The following SAMD5 variants were observed in gnomAD, a reference collection of about 807,000 sequenced individuals.
The protein encoded by SAMD5 is sterile alpha motif domain-containing protein 5.
A neutral mutation model predicts 11.3 loss-of-function variants in SAMD5; 13 were observed. That is an observed-to-expected ratio of 1.15 (90% CI 0.75 to 1.83). SAMD5 has a LOEUF of 1.83. Ranked by LOEUF, SAMD5 falls within the 40% of genes most tolerant of loss-of-function variation. SAMD5 has a pLI of 0.00. For synonymous variants in SAMD5, 129 were observed against 111.3 expected (o/e 1.16, Z -1.00); for missense variants, 255 against 239.1 (o/e 1.07, Z -0.44).
Position 147,685,007 on chromosome 6 carries a change from A to T in SAMD5, c.163-52310A>T, listed in dbSNP as rs528853573. 3.9e-5 allele frequency among the ~76,000 whole-genome samples: 6 copies of T among 152,334 alleles called. No individual in the cohort carries two copies. In the East Asian group the frequency reaches 1.2e-3, roughly 29 times the overall value. On this transcript the variant is annotated intron_variant, in intron 1 of 1. Coordinates refer to the SAMD5 transcript ENST00000566741. ...ATGTTTTCTCTTTCTTTGTAAAAAA[A>T]TTGAATAATAGTAGTTTGGATAGGG...
chr6:147,901,486 T>A, the SAMD5 span, among the ~76,000 whole-genome samples: 874 of 152,344 alleles, frequency 5.7e-3, 21 homozygotes, highest in East Asian at 0.04. Context: ...TATTGTAATA[T>A]GTTAAAAGAC....
chr6:147,630,982 C>T (rs563057471), intron 1 of SAMD5, among the ~76,000 whole-genome samples: 50 of 152,064 alleles, frequency 3.3e-4, no homozygotes, highest in Non-Finnish European at 6.3e-4. Context: ...CTGATCACCG[C>T]GGGGACACCT....
chr6:147,823,172 T>C, the SAMD5 span, among the ~76,000 whole-genome samples: 4 of 152,214 alleles, frequency 2.6e-5, no homozygotes, highest in African/African-American at 7.2e-5. Flanking sequence ...GACTTATTTA[T>C]ATTTTGCTAT....
chr6:147,616,626 G>A (rs993893025), intron 1 of SAMD5, among the ~76,000 whole-genome samples: 5 of 152,128 alleles, frequency 3.3e-5, no homozygotes, highest in South Asian at 4.1e-4. Flanking sequence ...ATTCTAGTTT[G>A]TATTAGTCTG....
chr6:147,707,130 A>G (rs1367970537), intron 1 of SAMD5, among the ~76,000 whole-genome samples: 2 of 152,212 alleles, frequency 1.3e-5, no homozygotes, highest in Non-Finnish European at 2.9e-5. Context: ...CATCCTTATC[A>G]TGCTTAGAAG....
At chr6:147,786,433 T>C in the SAMD5 span, among the ~76,000 whole-genome samples, 1 of 152,212 alleles carries the variant, frequency 6.6e-6, no homozygotes, top group South Asian at 2.1e-4. Flanking sequence ...AAACTTCATT[T>C]TGTGAGGCGA....
chr6:147,589,186 T>C (rs936702279), intron 1 of SAMD5, among the ~76,000 whole-genome samples: 5 of 152,088 alleles, frequency 3.3e-5, no homozygotes, highest in African/African-American at 1.2e-4. Context: ...CTCAAACTCC[T>C]AGGCTCAAGC....
At chr6:147,681,529 C>T (rs4451156) in intron 1 of SAMD5, among the ~76,000 whole-genome samples, 17,475 of 151,986 alleles carry the variant, frequency 0.11, 1,097 homozygotes, top group Middle Eastern at 0.16. Context: ...TGTGTTGATT[C>T]CGATTGATTA....
the SAMD5 span, among the ~76,000 whole-genome samples, chr6:147,909,555 A>C: frequency 7.4e-6 from 1 of 134,870 alleles, no homozygotes; most frequent in East Asian, 2.2e-4. Flanking sequence ...GTGACCATCC[A>C]TCTTTTTTCT....
At chr6:147,758,894 G>T in the SAMD5 span, among the ~76,000 whole-genome samples, 3 of 152,050 alleles carry the variant, frequency 2.0e-5, no homozygotes, top group African/African-American at 7.2e-5. Flanking sequence ...CTAAAAGAAG[G>T]TCATCTTAAT....
At chr6:147,938,041 T>C in the SAMD5 span, among the ~76,000 whole-genome samples, 1 of 152,188 alleles carries the variant, frequency 6.6e-6, no homozygotes, top group Non-Finnish European at 1.5e-5. Context: ...AAGTAAAACT[T>C]CTTTGTAATT....
chr6:147,621,257 A>G (rs922704167), intron 1 of SAMD5, among the ~76,000 whole-genome samples: 1 of 152,218 alleles, frequency 6.6e-6, no homozygotes, highest in Non-Finnish European at 1.5e-5. Flanking sequence ...GAAGTATGAA[A>G]TAATGAAACG....
the SAMD5 span, among the ~76,000 whole-genome samples, chr6:147,883,974 C>T: frequency 6.6e-6 from 1 of 152,018 alleles, no homozygotes; most frequent in East Asian, 2.0e-4. Flanking sequence ...CAGTTCTAAG[C>T]TTTTAGTCTC....
At chr6:147,643,719 G>A (rs1790347590) in intron 1 of SAMD5, among the ~76,000 whole-genome samples, 1 of 146,372 alleles carries the variant, frequency 6.8e-6, no homozygotes, top group South Asian at 2.2e-4. Flanking sequence ...AGACAGAAAA[G>A]AGGGAAAGAG....
chr6:147,840,008 A>C, the SAMD5 span, among the ~76,000 whole-genome samples: 1 of 152,108 alleles, frequency 6.6e-6, no homozygotes, highest in Non-Finnish European at 1.5e-5. Context: ...TTGATCCAAA[A>C]CCCATGTTTT....
At chr6:147,570,069 A>G, downstream of SAMD5, 1 of 946,934 alleles carries the variant, frequency 1.1e-6, no homozygotes, top group Non-Finnish European at 1.3e-6. Flanking sequence ...GATGAATGTG[A>G]TGGAGTTTGT....
intron 1 of SAMD5, among the ~76,000 whole-genome samples, chr6:147,530,875 A>T (rs1788420520): frequency 6.6e-6 from 1 of 152,182 alleles, no homozygotes; most frequent in African/African-American, 2.4e-5. Flanking sequence ...TTAATCTGTT[A>T]TTCTGGGACC....
At chr6:147,832,374 G>T in the SAMD5 span, among the ~76,000 whole-genome samples, 1 of 152,022 alleles carries the variant, frequency 6.6e-6, no homozygotes, top group Non-Finnish European at 1.5e-5. Context: ...AAATAAAAAC[G>T]ATGTGAATTT....
chr6:147,632,577 C>T (rs887184510), intron 1 of SAMD5, among the ~76,000 whole-genome samples: 3 of 152,078 alleles, frequency 2.0e-5, no homozygotes, highest in Non-Finnish European at 2.9e-5. Context: ...TGGGAGCCGC[C>T]GCATGCAGAC....
Sources: gnomAD v4.1 joint callset for allele counts (sites outside exome capture counted in the v4.1 genomes callset) on GRCh38, gnomAD v4.1.1 for gene constraint, MANE v1.5 for transcripts, NCBI Gene and HGNC (gene_info 2026-07-23, HGNC 2026-07-21) for gene names.